PLA2G4A: variants seen among roughly 807,000 people sequenced by gnomAD.
PLA2G4A encodes the protein cytosolic phospholipase A2.
PLA2G4A carries 40 observed loss-of-function variants against 81.9 expected under a neutral mutation model. The observed-to-expected ratio is 0.49, with a 90% CI of 0.38 to 0.64. The LOEUF (loss-of-function observed/expected upper bound fraction) is 0.64. PLA2G4A is among the 30% of genes least tolerant of loss of function. PLA2G4A has a pLI of 0.00. For synonymous variants in PLA2G4A, 302 were observed against 296.9 expected, an observed-to-expected ratio of 1.02 and a Z score of -0.18; for missense variants, 715 against 905.1, an observed-to-expected ratio of 0.79 and a Z score of 2.69.
At chr1:186,936,578 C>T (rs111788432) in intron 8 of PLA2G4A, among the ~76,000 whole-genome samples, 4 of 152,040 alleles carry the variant, frequency 2.6e-5, no homozygotes, top group African/African-American at 9.6e-5. Flanking sequence ...AGATGAGAAT[C>T]ACTTCTGCTC....
chr1:186,956,648 G>A (rs1386068163), intron 14 of PLA2G4A, among the ~76,000 whole-genome samples: 1 of 151,866 alleles, frequency 6.6e-6, no homozygotes, highest in East Asian at 1.9e-4. Context: ...TGAGTAGCTG[G>A]GACTACAGGT....
intron 7 of PLA2G4A, among the ~76,000 whole-genome samples, chr1:186,914,542 G>A (rs952166095): frequency 1.3e-5 from 2 of 152,140 alleles, no homozygotes; most frequent in African/African-American, 4.8e-5. Flanking sequence ...CAGCTTGAGA[G>A]GGTCGTGATC....
chr1:186,977,254 G>T (rs2076675), intron 15 of PLA2G4A, among the ~76,000 whole-genome samples: 59,123 of 151,940 alleles, frequency 0.39, 14,079 homozygotes, highest in East Asian at 0.58. Context: ...ACTCCTAAGG[G>T]TTAAAAAAAC....
chr1:186,933,837 A>G (rs1239689364), intron 8 of PLA2G4A, among the ~76,000 whole-genome samples: 1 of 152,172 alleles, frequency 6.6e-6, no homozygotes, highest in Non-Finnish European at 1.5e-5. Flanking sequence ...CTAGCATATA[A>G]ACTCAGGCTT....
intron 1 of PLA2G4A, among the ~76,000 whole-genome samples, chr1:186,843,926 T>A (rs1296961189): frequency 6.6e-6 from 1 of 152,218 alleles, no homozygotes; most frequent in East Asian, 1.9e-4. Flanking sequence ...TACTTGTCTA[T>A]GTAATTATAA....
intron 13 of PLA2G4A, among the ~76,000 whole-genome samples, chr1:186,955,593 G>A (rs1269640845): frequency 6.6e-6 from 1 of 152,006 alleles, no homozygotes; most frequent in Non-Finnish European, 1.5e-5. Context: ...CCCCTTACAC[G>A]CACTGTAGGT....
intron 1 of PLA2G4A, among the ~76,000 whole-genome samples, chr1:186,847,920 T>G (rs191946187): frequency 6.6e-6 from 1 of 152,148 alleles, no homozygotes; most frequent in Admixed American, 6.6e-5. Flanking sequence ...AGCAGAATAG[T>G]TTCATTTAGG....
intron 15 of PLA2G4A, among the ~76,000 whole-genome samples, chr1:186,969,275 A>ATTAT (rs58621227): frequency 0.96 from 145,745 of 151,144 alleles, 70,332 homozygotes; most frequent in East Asian, 1. Flanking sequence ...TTTATTTTTA[A>ATTAT]TTATGGATGC....
intron 7 of PLA2G4A, among the ~76,000 whole-genome samples, chr1:186,917,684 C>T (rs1198501152): frequency 1.3e-5 from 2 of 152,154 alleles, no homozygotes; most frequent in Non-Finnish European, 2.9e-5. Context: ...ACATGGGTTA[C>T]CTTGTAGGGC....
At chr1:186,900,218 G>A (rs910545019) in intron 5 of PLA2G4A, among the ~76,000 whole-genome samples, 1 of 152,174 alleles carries the variant, frequency 6.6e-6, no homozygotes, top group Non-Finnish European at 1.5e-5. Context: ...TTAACCATGT[G>A]ATGGTGGACA....
chr1:186,952,593 A>G (rs1656597967), intron 13 of PLA2G4A, among the ~76,000 whole-genome samples: 1 of 152,178 alleles, frequency 6.6e-6, no homozygotes. Context: ...AGTTTACAGT[A>G]GGACTCACTG....
chr1:186,973,401 C>T (rs1277737279), intron 15 of PLA2G4A, among the ~76,000 whole-genome samples: 1 of 152,096 alleles, frequency 6.6e-6, no homozygotes, highest in African/African-American at 2.4e-5. Flanking sequence ...TTAGGGCCCA[C>T]CTACGTAATC....
chr1:186,854,344 T>C lies in PLA2G4A; in HGVS notation c.-11T>C. On this transcript the variant is annotated 5_prime_UTR_variant, in exon 2 of 18. Coordinates refer to ENST00000367466, the MANE Select transcript of PLA2G4A (RefSeq NM_024420.3). Reference sequence around the variant, plus strand: ...TGAAGTGTGAAAACATTTCCTGTAATTGAAACCAAAATGTCATTTATAGAT... The same window carrying C: ...TGAAGTGTGAAAACATTTCCTGTAACTGAAACCAAAATGTCATTTATAGAT... 6.5e-7 allele frequency: 1 copy of C among 1,539,922 alleles called. No individual in the cohort carries two copies. Among genetic ancestry groups the C allele is most frequent in the Non-Finnish European group, 9.0e-7 (1 of 1,113,402 alleles).
chr1:186,955,293 GTTTA>G (rs1325579066), intron 13 of PLA2G4A, among the ~76,000 whole-genome samples: 1 of 152,124 alleles, frequency 6.6e-6, no homozygotes, highest in Non-Finnish European at 1.5e-5. Flanking sequence ...TCATAAGGGT[GTTTA>G]TTTAGTAGCA....
At position 186,942,451 on chromosome 1, in the gene PLA2G4A, A is replaced by G. The variant is rs577511328; in HGVS notation, c.1033+2357A>G. ...CTGAATACCTCAGGCTAGTCATGTAATCTCTGATTCTTATTTTCCTCCTTA... is the reference window on the plus strand; with the variant it reads ...CTGAATACCTCAGGCTAGTCATGTAGTCTCTGATTCTTATTTTCCTCCTTA... On this transcript the variant is annotated intron_variant, in intron 10 of 17. Coordinates refer to ENST00000367466, the MANE Select transcript of PLA2G4A (RefSeq NM_024420.3). 3.9e-5 allele frequency among the ~76,000 whole-genome samples: 6 copies of G among 152,290 alleles called. No individual in the cohort carries two copies. In the South Asian group the frequency reaches 1.2e-3, roughly 32 times the overall value.
At chr1:186,981,977 T>TA (rs937610161) in intron 17 of PLA2G4A, among the ~76,000 whole-genome samples, 4 of 152,180 alleles carry the variant, frequency 2.6e-5, no homozygotes, top group African/African-American at 4.8e-5. Context: ...CTATCTGTAA[T>TA]AAAAAAAGTG....
At chr1:186,832,920 C>T (rs1040979491) in intron 1 of PLA2G4A, among the ~76,000 whole-genome samples, 1 of 152,054 alleles carries the variant, frequency 6.6e-6, no homozygotes, top group Non-Finnish European at 1.5e-5. Context: ...TGAAACCTTT[C>T]CCTTAAAAAT....
chr1:186,849,063 TAGAG>T (rs1214051374), intron 1 of PLA2G4A, among the ~76,000 whole-genome samples: 4 of 152,022 alleles, frequency 2.6e-5, no homozygotes, highest in Non-Finnish European at 4.4e-5. Flanking sequence ...TTTAAATAAA[TAGAG>T]AGCTAATTTA....
chr1:186,860,007 A>G (rs1249593449), intron 2 of PLA2G4A, among the ~76,000 whole-genome samples: 1 of 152,196 alleles, frequency 6.6e-6, no homozygotes, highest in Non-Finnish European at 1.5e-5. Flanking sequence ...TAGAACTATT[A>G]TTACAAAAGC....
Sources: gnomAD v4.1 joint callset for allele counts (sites outside exome capture counted in the v4.1 genomes callset) on GRCh38, gnomAD v4.1.1 for gene constraint, MANE v1.5 for transcripts, NCBI Gene and HGNC (gene_info 2026-07-23, HGNC 2026-07-21) for gene names.